Variants in MARCHF8 observed in about 807,000 individuals in gnomAD.
MARCHF8 encodes membrane associated ring-CH-type finger 8, also known as E3 ubiquitin-protein ligase MARCHF8.
Under a neutral mutation model 51.6 loss-of-function variants are expected in MARCHF8, and 40 were observed. That is an observed-to-expected ratio of 0.77 (90% CI 0.60 to 1.01). The LOEUF (loss-of-function observed/expected upper bound fraction) is 1.01. MARCHF8 is among the 50% of genes least tolerant of loss of function. MARCHF8 has a pLI of 0.00. For missense variants in MARCHF8, 685 were observed against 708.6 expected, an observed-to-expected ratio of 0.97 and a Z score of 0.38; for synonymous variants, 263 against 280.3, an observed-to-expected ratio of 0.94 and a Z score of 0.62.
chr10:45,546,355 G>T (rs1375909172), intron 1 of MARCHF8, among the ~76,000 whole-genome samples: 4 of 151,558 alleles, frequency 2.6e-5, no homozygotes, highest in Non-Finnish European at 2.9e-5. Context: ...TAGAGACAGG[G>T]TTTCACCATG....
Position 45,461,308 on chromosome 10 carries a change from T to C in MARCHF8, c.1192A>G (p.Lys398Glu). Residue 398 changes from lysine (K) to glutamate (E), a missense_variant, in exon 6 of 8, where the codon AAG becomes GAG. Physicochemically the swap from Lys to Glu is moderately conservative, Grantham distance 56 (BLOSUM62 1). Transcript: ENST00000453424. The part of the protein sequence containing the change: ...VHQACLQQWI[K>E]SSDTRCCELC... Reference sequence around the variant, plus strand: ...TCGCAGCAGCGCGTGTCGGAGCTCTTGATCCACTGCTGCAGGCAGGCCTGG... The same window carrying C: ...TCGCAGCAGCGCGTGTCGGAGCTCTCGATCCACTGCTGCAGGCAGGCCTGG... 1 of 1,606,980 alleles carries C rather than the reference T, an allele frequency of 6.2e-7. No homozygotes were observed. The highest frequency in any genetic ancestry group is 8.5e-7 in the Non-Finnish European group (1 of 1,177,074).
intron 3 of MARCHF8, among the ~76,000 whole-genome samples, chr10:45,467,209 C>T (rs916881863): frequency 4.6e-5 from 7 of 152,160 alleles, no homozygotes; most frequent in Admixed American, 1.3e-4. Flanking sequence ...CAGGTATGTC[C>T]GATCCTCATC....
intron 2 of MARCHF8, among the ~76,000 whole-genome samples, chr10:45,504,653 A>G (rs1024161860): frequency 6.6e-6 from 1 of 152,198 alleles, no homozygotes; most frequent in Non-Finnish European, 1.5e-5. Context: ...AACACCATAC[A>G]GTATGAATTT....
At chr10:45,502,613 A>G (rs1316053787) in intron 2 of MARCHF8, among the ~76,000 whole-genome samples, 1 of 152,168 alleles carries the variant, frequency 6.6e-6, no homozygotes, top group African/African-American at 2.4e-5. Context: ...TCATCAGGAA[A>G]CCCTCAAGGC....
At chr10:45,488,345 G>T (rs2043021216) in intron 3 of MARCHF8, among the ~76,000 whole-genome samples, 1 of 152,032 alleles carries the variant, frequency 6.6e-6, no homozygotes, top group Admixed American at 6.6e-5. Flanking sequence ...GTTAATCCTT[G>T]ATCAGTCCTC....
At chr10:45,521,885 T>C (rs188337791) in intron 2 of MARCHF8, among the ~76,000 whole-genome samples, 1 of 152,294 alleles carries the variant, frequency 6.6e-6, no homozygotes, top group Non-Finnish European at 1.5e-5. Flanking sequence ...ACTTTTTCTT[T>C]CTCTGATATA....
At chr10:45,514,087 A>G (rs1388980707) in intron 2 of MARCHF8, among the ~76,000 whole-genome samples, 2 of 152,226 alleles carry the variant, frequency 1.3e-5, no homozygotes, top group Admixed American at 6.5e-5. Flanking sequence ...AAATGCTATA[A>G]TCTATATGTT....
chr10:45,511,984 A>C, intron 2 of MARCHF8, among the ~76,000 whole-genome samples: 2 of 133,558 alleles, frequency 1.5e-5, no homozygotes, highest in South Asian at 5.0e-4. Context: ...CCCGGCCGCC[A>C]TCCCATCTAG....
chr10:45,491,490 G>T (rs1412209029), intron 2 of MARCHF8, among the ~76,000 whole-genome samples: 2 of 152,142 alleles, frequency 1.3e-5, no homozygotes, highest in Non-Finnish European at 2.9e-5. Context: ...AGTGAGCTGA[G>T]ATCACACCAC....
intron 1 of MARCHF8, among the ~76,000 whole-genome samples, chr10:45,591,163 T>TTTCA (rs2044676488): frequency 6.6e-6 from 1 of 152,148 alleles, no homozygotes; most frequent in South Asian, 2.1e-4. Flanking sequence ...CTTTGCTGAC[T>TTTCA]CTCTTTTCGG....
At chr10:45,559,568 A>G (rs145270275) in intron 1 of MARCHF8, among the ~76,000 whole-genome samples, 23 of 152,348 alleles carry the variant, frequency 1.5e-4, no homozygotes, top group Middle Eastern at 6.8e-3. Context: ...GCCATTTCTT[A>G]TATTACTAAT....
At chr10:45,573,415 C>A (rs988350857) in intron 1 of MARCHF8, among the ~76,000 whole-genome samples, 1 of 152,200 alleles carries the variant, frequency 6.6e-6, no homozygotes, top group Non-Finnish European at 1.5e-5. Context: ...CTCCAGCACA[C>A]AAGAACTCCA....
In MARCHF8 at chr10:45,463,462, G is replaced by C; in HGVS notation, c.777C>G (p.Leu259=). 6.4e-7 allele frequency: 1 copy of C among 1,550,642 alleles called. No individual in the cohort carries two copies. Among genetic ancestry groups the C allele is most frequent in the Non-Finnish European group, 8.7e-7 (1 of 1,147,006 alleles). The change falls in exon 5 of 8, where the codon CTC becomes CTG. Residue 259 remains leucine, a synonymous_variant. Transcript: ENST00000453424. ...GEATSRSRQL[L]QYLFSLSHGL... ...CGTGCGAGAGTGAGAACAGGTACTGGAGCAGTTGCCGGCTTCGGGACGTGG... is the reference window on the plus strand; with the variant it reads ...CGTGCGAGAGTGAGAACAGGTACTGCAGCAGTTGCCGGCTTCGGGACGTGG...
At chr10:45,466,198 T>C (rs188442860) in intron 3 of MARCHF8, among the ~76,000 whole-genome samples, 105 of 152,324 alleles carry the variant, frequency 6.9e-4, no homozygotes, top group Admixed American at 2.2e-3. Flanking sequence ...GGGGAGCAGA[T>C]TGAGAGGGTA....
intron 1 of MARCHF8, among the ~76,000 whole-genome samples, chr10:45,585,229 T>C (rs567074072): frequency 3.9e-5 from 6 of 152,278 alleles, no homozygotes; most frequent in South Asian, 2.1e-4. Flanking sequence ...CCAGCAGCTA[T>C]ACACCTGACC....
chr10:45,481,830 A>G (rs1288241807), intron 3 of MARCHF8, among the ~76,000 whole-genome samples: 1 of 152,260 alleles, frequency 6.6e-6, no homozygotes, highest in African/African-American at 2.4e-5. Flanking sequence ...TAGAGCAATC[A>G]GGCAAGAGAA....
At chr10:45,516,949 C>T (rs1042793365) in intron 2 of MARCHF8, among the ~76,000 whole-genome samples, 1 of 152,218 alleles carries the variant, frequency 6.6e-6, no homozygotes, top group Non-Finnish European at 1.5e-5. Flanking sequence ...AATCTATTCA[C>T]TCTGCTAAAA....
intron 1 of MARCHF8, among the ~76,000 whole-genome samples, chr10:45,582,128 G>A (rs1304072548): frequency 6.6e-6 from 1 of 152,130 alleles, no homozygotes; most frequent in Non-Finnish European, 1.5e-5. Context: ...ACTATCCCTG[G>A]CTGGCTGGGA....
At position 45,513,739 on chromosome 10, in the gene MARCHF8, C is replaced by T. The variant is rs183782089; in HGVS notation, c.102+19371G>A. ...AATGGCAACACTGGAACAGCCCTGC[C>T]AAATGAAATTACATGTCTGGCTTAC... On this transcript the variant is annotated intron_variant, in intron 2 of 7. Coordinates refer to ENST00000453424, the MANE Select transcript of MARCHF8 (RefSeq NM_001282866.2). 1.4e-4 allele frequency among the ~76,000 whole-genome samples: 21 copies of T among 152,190 alleles called. No individual in the cohort carries two copies. The East Asian group carries it at 3.3e-3, about 24-fold the overall frequency.
Sources: allele counts gnomAD v4.1 joint callset (sites outside exome capture counted in the v4.1 genomes callset), GRCh38; gene constraint gnomAD v4.1.1; transcripts MANE v1.5; gene names NCBI Gene and HGNC (gene_info 2026-07-23, HGNC 2026-07-21).